The following ULK4 variants were observed in gnomAD, a reference collection of about 807,000 sequenced individuals.
The protein encoded by ULK4 is unc-51 like kinase 4.
Under a neutral mutation model 160.6 loss-of-function variants are expected in ULK4, and 133 were observed. The ratio of observed to expected loss-of-function variants is 0.83; its 90% CI spans 0.72 to 0.96. The LOEUF (loss-of-function observed/expected upper bound fraction) is 0.96. ULK4 is among the 40% of genes least tolerant of loss of function. The probability of loss-of-function intolerance (pLI) is 0.00; values close to 1 mark genes in which losing one functional copy is unlikely to be tolerated. For missense variants in ULK4, 1,580 were observed against 1,499.5 expected (o/e 1.05, Z -0.89); for synonymous variants, 534 against 539.8 (o/e 0.99, Z 0.15).
intron 31 of ULK4, among the ~76,000 whole-genome samples, chr3:41,579,061 G>A (rs1203455456): frequency 6.6e-6 from 1 of 152,150 alleles, no homozygotes; most frequent in African/African-American, 2.4e-5. Flanking sequence ...TATTTGTCAT[G>A]TCCACTGTTT....
At chr3:41,374,047 T>C (rs575873004) in intron 35 of ULK4, among the ~76,000 whole-genome samples, 2 of 152,124 alleles carry the variant, frequency 1.3e-5, no homozygotes, top group Non-Finnish European at 2.9e-5. Flanking sequence ...AAGAAATGGA[T>C]AAATTCCTGG....
At chr3:41,255,846 T>G (rs934162186) in intron 35 of ULK4, among the ~76,000 whole-genome samples, 3 of 152,236 alleles carry the variant, frequency 2.0e-5, no homozygotes, top group African/African-American at 7.2e-5. Context: ...ACAGGTTCTA[T>G]ACAACAAGAG....
At chr3:41,895,176 G>A (rs1717002) in intron 16 of ULK4, among the ~76,000 whole-genome samples, 103,802 of 152,036 alleles carry the variant, frequency 0.68, 39,094 homozygotes, top group East Asian at 0.83. Context: ...TTGGGAGTCA[G>A]AGATGGGAGA....
chr3:41,615,943 G>C (rs796201899), intron 30 of ULK4, among the ~76,000 whole-genome samples: 93 of 152,272 alleles, frequency 6.1e-4, no homozygotes, highest in African/African-American at 2.2e-3. Flanking sequence ...TGTGTAGCAA[G>C]TGAAATCTCA....
chr3:41,370,427 T>A (rs1357103799), intron 35 of ULK4, among the ~76,000 whole-genome samples: 1 of 152,080 alleles, frequency 6.6e-6, no homozygotes, highest in African/African-American at 2.4e-5. Flanking sequence ...GGTGGGTGAT[T>A]TCTACATTTC....
At position 41,877,521 on chromosome 3, in the gene ULK4, T is replaced by C. The variant is rs184055350; in HGVS notation, c.1656+6353A>G. Among the ~76,000 whole-genome samples the C allele has an allele frequency of 1.2e-4, 18 of 151,886 alleles. No homozygotes were observed. The East Asian group carries it at 3.5e-3, about 30-fold the overall frequency. ...TTTGTATTTTTAGTAGAGATGGGGT[T>C]TTGCCATGTTGGCCAAGCTGGTCTC... On this transcript the variant is annotated intron_variant, in intron 17 of 36. Coordinates refer to ENST00000301831, the MANE Select transcript of ULK4 (RefSeq NM_017886.4).
At chr3:41,585,958 A>C (rs1362991408) in intron 31 of ULK4, among the ~76,000 whole-genome samples, 1 of 152,204 alleles carries the variant, frequency 6.6e-6, no homozygotes, top group Non-Finnish European at 1.5e-5. Flanking sequence ...CCGCAATGAT[A>C]TATCAGCTCA....
At chr3:41,866,006 A>G (rs546313445) in intron 17 of ULK4, among the ~76,000 whole-genome samples, 1 of 152,358 alleles carries the variant, frequency 6.6e-6, no homozygotes, top group South Asian at 2.1e-4. Context: ...ATTGCCAACC[A>G]TATGTTGGAT....
At chr3:41,363,412 A>T (rs1338917220) in intron 35 of ULK4, among the ~76,000 whole-genome samples, 1 of 152,144 alleles carries the variant, frequency 6.6e-6, no homozygotes, top group Non-Finnish European at 1.5e-5. Flanking sequence ...AATCAGGAAA[A>T]AGAGGCTTCC....
chr3:41,253,607 G>C (rs1435120842), intron 35 of ULK4, among the ~76,000 whole-genome samples: 1 of 151,692 alleles, frequency 6.6e-6, no homozygotes, highest in Non-Finnish European at 1.5e-5. Context: ...GGAAAAGTGA[G>C]GAAATAAAAA....
At chr3:41,355,104 C>A (rs1010744984) in intron 35 of ULK4, among the ~76,000 whole-genome samples, 1 of 152,148 alleles carries the variant, frequency 6.6e-6, no homozygotes, top group African/African-American at 2.4e-5. Flanking sequence ...AGACAATTAC[C>A]TTTTCAAGAG....
intron 7 of ULK4, among the ~76,000 whole-genome samples, chr3:41,916,730 T>A (rs1210254287): frequency 7.6e-6 from 1 of 130,794 alleles, no homozygotes; most frequent in Non-Finnish European, 1.6e-5. Context: ...TTTTGGAGAA[T>A]GAGTTTCACT....
At chr3:41,355,756 G>C (rs1413925589) in intron 35 of ULK4, among the ~76,000 whole-genome samples, 1 of 152,118 alleles carries the variant, frequency 6.6e-6, no homozygotes, top group African/African-American at 2.4e-5. Flanking sequence ...GATTAGACTT[G>C]TTATAAATTT....
At chr3:41,294,978 A>T (rs1003245351) in intron 35 of ULK4, among the ~76,000 whole-genome samples, 2 of 152,152 alleles carry the variant, frequency 1.3e-5, no homozygotes, top group African/African-American at 4.8e-5. Context: ...GAGATAAAAG[A>T]CCCAGAATAG....
chr3:41,717,009 T>C (rs2037288927), intron 23 of ULK4, among the ~76,000 whole-genome samples: 1 of 152,014 alleles, frequency 6.6e-6, no homozygotes, highest in Non-Finnish European at 1.5e-5. Flanking sequence ...TATATGGCAG[T>C]AGAAAATGGA....
At chr3:41,643,190 G>A (rs1418866572) in intron 30 of ULK4, among the ~76,000 whole-genome samples, 1 of 152,056 alleles carries the variant, frequency 6.6e-6, no homozygotes, top group Admixed American at 6.5e-5. Flanking sequence ...AAGCCCTTTA[G>A]TTTAATTAGA....
intron 34 of ULK4, among the ~76,000 whole-genome samples, chr3:41,414,901 A>T (rs2082491530): frequency 6.6e-6 from 1 of 152,142 alleles, no homozygotes; most frequent in Admixed American, 6.5e-5. Flanking sequence ...TAAATGTGGG[A>T]ATTTAGAAGG....
At chr3:41,502,204 A>C (rs942399409) in intron 32 of ULK4, among the ~76,000 whole-genome samples, 3 of 152,364 alleles carry the variant, frequency 2.0e-5, no homozygotes, top group African/African-American at 7.2e-5. Context: ...TTTCCGTTGG[A>C]TATATTCCCA....
chr3:41,529,135 T>C (rs2086217757), intron 32 of ULK4, among the ~76,000 whole-genome samples: 1 of 152,220 alleles, frequency 6.6e-6, no homozygotes, highest in South Asian at 2.1e-4. Context: ...TTTGGTAACA[T>C]TACCTTAATG....
Sources: allele counts gnomAD v4.1 joint callset (sites outside exome capture counted in the v4.1 genomes callset), GRCh38; gene constraint gnomAD v4.1.1; transcripts MANE v1.5; gene names NCBI Gene and HGNC (gene_info 2026-07-23, HGNC 2026-07-21).